MIB1: variants seen among roughly 807,000 people sequenced by gnomAD.
MIB1 encodes the protein E3 ubiquitin-protein ligase MIB1.
MIB1 carries 278 observed loss-of-function variants against 124.5 expected under a neutral mutation model. That is an observed-to-expected ratio of 2.23 (90% CI 2.02 to 2.47). MIB1 has a LOEUF of 2.47. Ranked by LOEUF, MIB1 falls within the 30% of genes most tolerant of loss-of-function variation. MIB1 has a pLI of 0.00. For missense variants in MIB1, 957 were observed against 1,254.4 expected (o/e 0.76, Z 3.58); for synonymous variants, 446 against 429.4 (o/e 1.04, Z -0.48).
intron 7 of MIB1, among the ~76,000 whole-genome samples, chr18:21,794,973 A>G (rs1200239926): frequency 1.3e-5 from 2 of 152,190 alleles, no homozygotes; most frequent in East Asian, 1.9e-4. Context: ...AGAGACATCA[A>G]GTGAAGGACT....
chr18:21,835,273 G>A (rs749066055), intron 12 of MIB1, among the ~76,000 whole-genome samples: 5 of 152,068 alleles, frequency 3.3e-5, no homozygotes, highest in Non-Finnish European at 7.3e-5. Flanking sequence ...TTGTGAAATG[G>A]TCAGATTTGT....
intron 18 of MIB1, among the ~76,000 whole-genome samples, chr18:21,855,647 C>CT (rs1157133361): frequency 6.6e-6 from 1 of 152,204 alleles, no homozygotes; most frequent in Non-Finnish European, 1.5e-5. Context: ...GCCTTGGTAA[C>CT]TGACTGTTCT....
intron 1 of MIB1, among the ~76,000 whole-genome samples, chr18:21,762,074 A>T (rs2041104734): frequency 6.6e-6 from 1 of 152,206 alleles, no homozygotes; most frequent in Non-Finnish European, 1.5e-5. Context: ...TTTAAAAAGA[A>T]AATAGGAAAT....
chr18:21,796,602 A>G (rs368219893), intron 7 of MIB1, among the ~76,000 whole-genome samples: 4 of 152,258 alleles, frequency 2.6e-5, no homozygotes, highest in East Asian at 1.9e-4. Context: ...AAAAGCTCCT[A>G]TTTCCTAGCT....
chr18:21,856,848 A>G (rs986633734), intron 18 of MIB1, among the ~76,000 whole-genome samples: 5 of 152,184 alleles, frequency 3.3e-5, no homozygotes, highest in Non-Finnish European at 5.9e-5. Context: ...TGAAATATTT[A>G]TTGTGTCACT....
intron 4 of MIB1, among the ~76,000 whole-genome samples, chr18:21,775,665 G>C (rs1208751196): frequency 6.6e-6 from 1 of 152,170 alleles, no homozygotes; most frequent in Non-Finnish European, 1.5e-5. Context: ...GCCTCTGCCT[G>C]TTTTTAAATT....
At position 21,741,659 on chromosome 18, in the gene MIB1, TG is replaced by T. The variant is rs1388439381; in HGVS notation, c.81del (p.Lys28SerfsTer23). 3 of 1,610,170 alleles carry T rather than the reference TG, an allele frequency of 1.9e-6. No homozygotes were observed. Among genetic ancestry groups the T allele is most frequent in the Non-Finnish European group, 2.5e-6 (3 of 1,178,988 alleles). Reference sequence around the variant, plus strand: ...GGTAGTGCGCGGCCCGGACTGGAAGTGGGGGAAGCAGGACGGCGGCGAGGGC... The same window carrying T: ...GGTAGTGCGCGGCCCGGACTGGAAGTGGGGAAGCAGGACGGCGGCGAGGGC... ...ARVVRGPDWK[W>X]GKQDGGEGHV... is the part of the protein sequence containing the mutation. On this transcript the variant is annotated frameshift_variant, in exon 1 of 21. Coordinates refer to ENST00000261537, the MANE Select transcript of MIB1 (RefSeq NM_020774.4). LOFTEE classifies it high-confidence loss of function. The surrounding 1 kb of genome is among the most constrained non-coding windows in gnomAD (Gnocchi z 5.4).
intron 11 of MIB1, chr18:21,817,830 T>C (rs745390034): frequency 1.3e-5 from 3 of 236,808 alleles, no homozygotes; most frequent in Admixed American, 4.9e-5. Flanking sequence ...GAAATATGTC[T>C]AGTAAAAAAG....
At chr18:21,723,810 G>A (rs984171422) in intron 1 of MIB1, among the ~76,000 whole-genome samples, 8 of 151,778 alleles carry the variant, frequency 5.3e-5, no homozygotes, top group Non-Finnish European at 7.4e-5. Flanking sequence ...CACTGTGCCC[G>A]GCTATAATTG....
At chr18:21,749,008 C>T (rs2040944200) in intron 1 of MIB1, among the ~76,000 whole-genome samples, 1 of 152,016 alleles carries the variant, frequency 6.6e-6, no homozygotes, top group Non-Finnish European at 1.5e-5. Flanking sequence ...TCCCAGATTG[C>T]CTGGATTACA....
intron 20 of MIB1, 31 bp downstream of exon 20, chr18:21,858,677 T>G (rs1377345131): frequency 9.2e-7 from 1 of 1,082,546 alleles, no homozygotes; most frequent in East Asian, 2.4e-5. Flanking sequence ...ACAGTGATGC[T>G]GTGAATGGCA....
At chr18:21,853,821 T>C (rs915615500) in intron 18 of MIB1, among the ~76,000 whole-genome samples, 4 of 152,110 alleles carry the variant, frequency 2.6e-5, no homozygotes, top group Non-Finnish European at 4.4e-5. Context: ...TTAAATATTC[T>C]CTTCCCTTTG....
At chr18:21,758,639 A>G (rs1003897586) in intron 1 of MIB1, among the ~76,000 whole-genome samples, 3 of 152,118 alleles carry the variant, frequency 2.0e-5, no homozygotes, top group Admixed American at 1.3e-4. Flanking sequence ...GGTTCAAGCA[A>G]TTCTCCTGCC....
At chr18:21,761,877 C>T (rs527648196) in intron 1 of MIB1, among the ~76,000 whole-genome samples, 1 of 152,218 alleles carries the variant, frequency 6.6e-6, no homozygotes, top group South Asian at 2.1e-4. Flanking sequence ...AGCACGAAGC[C>T]TCAGAAGTTA....
intron 20 of MIB1, among the ~76,000 whole-genome samples, chr18:21,862,727 C>G (rs2042286913): frequency 6.6e-6 from 1 of 152,158 alleles, no homozygotes; most frequent in South Asian, 2.1e-4. Flanking sequence ...TTCAATCCCG[C>G]TGAGCCTCGT....
rs8098807 is a variant in MIB1 at position 21,819,777 on chromosome 18, T to A, written c.1829+131T>A. 509,748 of 516,044 alleles carry A rather than the reference T, an allele frequency of 0.99. 252,075 individuals carry two copies. Among genetic ancestry groups the A allele is most frequent in the East Asian group, 1 (29,552 of 29,552 alleles). The allele number at this position is 516,044 out of a possible 1,614,324, so 32.0% of individuals were successfully genotyped here. A position where few individuals can be genotyped will look rare whatever the true frequency, so the allele number is the denominator to read the frequency against. The stretch of plus-strand genomic sequence containing the variant: ...TTAAATCATTTTAAAGTTTTGTGAA[T>A]ATTATGCCTTTAGTTTTATATGATG... On this transcript the variant is annotated intron_variant, in intron 12 of 20. Coordinates refer to ENST00000261537, the MANE Select transcript of MIB1 (RefSeq NM_020774.4).
intron 20 of MIB1, among the ~76,000 whole-genome samples, chr18:21,863,311 G>A (rs1282574181): frequency 1.3e-5 from 2 of 152,220 alleles, no homozygotes; most frequent in African/African-American, 4.8e-5. Flanking sequence ...CCGCCAGTGA[G>A]GGCAAAGGGC....
At chr18:21,776,291 A>C (rs1184156315) in intron 4 of MIB1, among the ~76,000 whole-genome samples, 1 of 151,778 alleles carries the variant, frequency 6.6e-6, no homozygotes. Context: ...AAAAAATCCC[A>C]AAAAACCAAT....
rs979227386 is a variant in MIB1 at position 21,812,775 on chromosome 18, T to A, written c.1480-2841T>A. 3.3e-5 allele frequency among the ~76,000 whole-genome samples: 5 copies of A among 152,318 alleles called. No individual in the cohort carries two copies. The East Asian group carries it at 9.6e-4, about 29-fold the overall frequency. ...TTTGAGGCCTCTTTATGAAATTCTT[T>A]GAGATAATCTTATAGAGGTTAGCTG... On this transcript the variant is annotated intron_variant, in intron 10 of 20. Coordinates refer to ENST00000261537, the MANE Select transcript of MIB1 (RefSeq NM_020774.4).
Sources: gnomAD v4.1 joint callset for allele counts (sites outside exome capture counted in the v4.1 genomes callset) on GRCh38, gnomAD v4.1.1 for gene constraint, Gnocchi (gnomAD v3.1) non-coding constraint, MANE v1.5 for transcripts, NCBI Gene and HGNC (gene_info 2026-07-23, HGNC 2026-07-21) for gene names.